The following TNFRSF10B variants were observed in gnomAD, a reference collection of about 807,000 sequenced individuals.
TNFRSF10B encodes the protein tumor necrosis factor receptor superfamily member 10B.
In TNFRSF10B, 35 loss-of-function variants were observed where a neutral mutation model predicts 41.4. The observed-to-expected ratio is 0.85, with a 90% CI of 0.65 to 1.12. TNFRSF10B has a LOEUF of 1.12. Ranked by LOEUF, TNFRSF10B falls within the 50% of genes most tolerant of loss-of-function variation. The pLI is 0.00. For missense variants in TNFRSF10B, 584 were observed against 552.7 expected (o/e 1.06, Z -0.57); for synonymous variants, 230 against 215.5 (o/e 1.07, Z -0.59).
chr8:23,043,092 G>T (rs1812254173), intron 2 of TNFRSF10B, 46 bp downstream of exon 2: 2 of 1,555,148 alleles, frequency 1.3e-6, no homozygotes, highest in Admixed American at 1.7e-5. Context: ...AGCTCATGGA[G>T]ACAAGGGGAG....
At chr8:23,062,066 C>T (rs1812845806) in intron 1 of TNFRSF10B, among the ~76,000 whole-genome samples, 1 of 152,096 alleles carries the variant, frequency 6.6e-6, no homozygotes, top group South Asian at 2.1e-4. Flanking sequence ...GAAAGGTTCC[C>T]TTCTCTTCAA....
chr8:23,028,377 A>T lies in TNFRSF10B; in HGVS notation c.702T>A (p.Ser234=). The change falls in exon 5 of 9, where the codon TCT becomes TCA. Residue 234 remains serine (S), a synonymous_variant. Coordinates refer to ENST00000276431, the MANE Select transcript of TNFRSF10B (RefSeq NM_003842.5). ...AAGGAAGGACTTTCTTCCACAGTAA[A>T]GACTTGCAAACAAACACAGCCACAA... ...VLIVAVFVCK[S]LLWKKVLPYL... 1.2e-6 allele frequency: 2 copies of T among 1,614,166 alleles called. No homozygotes were observed.
chr8:23,024,932 A>C (rs1490669478), intron 7 of TNFRSF10B, among the ~76,000 whole-genome samples: 1 of 152,174 alleles, frequency 6.6e-6, no homozygotes, highest in African/African-American at 2.4e-5. Flanking sequence ...GCTTGAGCCC[A>C]GGAGTTTGAG....
intron 1 of TNFRSF10B, among the ~76,000 whole-genome samples, chr8:23,052,942 T>C (rs1812566396): frequency 1.3e-5 from 2 of 152,220 alleles, no homozygotes; most frequent in Admixed American, 1.3e-4. Flanking sequence ...AGGGCTCCTG[T>C]ATGGTAAATT....
At chr8:23,050,385 GA>G (rs1282249321) in intron 1 of TNFRSF10B, among the ~76,000 whole-genome samples, 1 of 152,212 alleles carries the variant, frequency 6.6e-6, no homozygotes, top group Non-Finnish European at 1.5e-5. Context: ...CTGGGAAGGA[GA>G]AAGATTTTTT....
Position 23,020,896 on chromosome 8 carries a change from C to T in TNFRSF10B, c.*1775G>A. ...CAGCACCCTGTGCCTTCCAGAAGTG[C>T]AGGGGACAACGCGTGGGATGCCAGA... On this transcript the variant is annotated 3_prime_UTR_variant, in exon 9 of 9. Transcript: ENST00000276431. 1 of 454,060 alleles carries T rather than the reference C, an allele frequency of 2.2e-6. No individual in the cohort carries two copies. Among genetic ancestry groups the T allele is most frequent in the Non-Finnish European group, 4.4e-6 (1 of 226,782 alleles). The allele number at this position is 454,060 out of a possible 1,614,324, so 28.1% of individuals were successfully genotyped here. A position where few individuals can be genotyped will look rare whatever the true frequency, so the allele number is the denominator to read the frequency against.
intron 7 of TNFRSF10B, among the ~76,000 whole-genome samples, chr8:23,024,977 AAAAATAAAAT>A (rs145162519): frequency 0.08 from 12,111 of 152,014 alleles, 553 homozygotes; most frequent in South Asian, 0.18. Flanking sequence ...TCCTGTTTCT[AAAAATAAAAT>A]AAAATAAAAT....
chr8:23,038,554 A>AT (rs755044414), intron 2 of TNFRSF10B, among the ~76,000 whole-genome samples: 3 of 152,148 alleles, frequency 2.0e-5, no homozygotes, highest in Non-Finnish European at 4.4e-5. Context: ...AACACAAGAT[A>AT]TTTTGAATTT....
At chr8:23,024,055 G>A (rs1201863742) in intron 8 of TNFRSF10B, 133 bp downstream of exon 8, 1 of 1,073,496 alleles carries the variant, frequency 9.3e-7, no homozygotes, top group Non-Finnish European at 1.4e-6. Context: ...GGGTCCAGAT[G>A]GTCTATAGCA....
intron 7 of TNFRSF10B, 47 bp from the exon 8 acceptor site, chr8:23,024,307 C>T (rs749788726): frequency 3.8e-5 from 61 of 1,609,350 alleles, no homozygotes; most frequent in Non-Finnish European, 4.5e-5. Flanking sequence ...AGGAGTCCTA[C>T]AGTCCAGTAC....
chr8:23,024,084 G>T (rs1811627114), intron 8 of TNFRSF10B, 104 bp downstream of exon 8: 1 of 1,458,398 alleles, frequency 6.9e-7, no homozygotes, highest in Non-Finnish European at 9.6e-7. Context: ...ACGGCTTCCA[G>T]CATGGAATAC....
At chr8:23,068,383 A>C in intron 1 of TNFRSF10B, 2 of 308,602 alleles carry the variant, frequency 6.5e-6, no homozygotes, top group Non-Finnish European at 1.2e-5. Flanking sequence ...AAGGGAGGGA[A>C]AGAAAGGAAG....
At chr8:23,023,543 G>A (rs1269131995) in intron 8 of TNFRSF10B, among the ~76,000 whole-genome samples, 1 of 152,030 alleles carries the variant, frequency 6.6e-6, no homozygotes, top group African/African-American at 2.4e-5. Context: ...CCAGATCTCG[G>A]GACGATGAGG....
chr8:23,067,450 A>G (rs1813021882), intron 1 of TNFRSF10B, among the ~76,000 whole-genome samples: 1 of 152,042 alleles, frequency 6.6e-6, no homozygotes, highest in African/African-American at 2.4e-5. Context: ...AGAGATAAAA[A>G]AAAAACCCCA....
intron 1 of TNFRSF10B, among the ~76,000 whole-genome samples, chr8:23,066,547 A>G (rs979334328): frequency 3.9e-5 from 6 of 152,168 alleles, no homozygotes; most frequent in Admixed American, 2.0e-4. Context: ...ACGTAAATAT[A>G]ATAAGATCTC....
At chr8:23,063,012 C>T (rs1229877426) in intron 1 of TNFRSF10B, among the ~76,000 whole-genome samples, 1 of 152,106 alleles carries the variant, frequency 6.6e-6, no homozygotes, top group Non-Finnish European at 1.5e-5. Flanking sequence ...TTTATATGTG[C>T]ATTCATATTT....
intron 1 of TNFRSF10B, among the ~76,000 whole-genome samples, chr8:23,048,439 A>C (rs1195562675): frequency 1.2e-5 from 1 of 85,528 alleles, no homozygotes; most frequent in African/African-American, 4.0e-5. Context: ...TTTTGTGTCA[A>C]AAAAAAAAAA....
chr8:23,021,908 G>C lies in TNFRSF10B; in HGVS notation c.*763C>G. 2.2e-6 allele frequency: 1 copy of C among 453,676 alleles called. No homozygotes were observed. Among genetic ancestry groups the C allele is most frequent in the South Asian group, 1.6e-5 (1 of 64,380 alleles). 28.1% of individuals were successfully genotyped at this position (453,676 alleles called of 1,614,324 possible). ...TCTATTCACATAACTATGTAAACAA[G>C]TACATTTACTAAAGTTTCTTCATGT... On this transcript the variant is annotated 3_prime_UTR_variant, in exon 9 of 9. Transcript: ENST00000276431.
intron 1 of TNFRSF10B, chr8:23,049,779 G>C (rs1270082460): frequency 1.3e-5 from 2 of 152,086 alleles, no homozygotes; most frequent in Admixed American, 1.3e-4. Context: ...AGATTCACCT[G>C]CATCTCATTA....
Sources: gnomAD v4.1 joint callset for allele counts (sites outside exome capture counted in the v4.1 genomes callset) on GRCh38, gnomAD v4.1.1 for gene constraint, MANE v1.5 for transcripts, NCBI Gene and HGNC (gene_info 2026-07-23, HGNC 2026-07-21) for gene names.